The following DOCK2 variants were observed in gnomAD, a reference collection of about 807,000 sequenced individuals.
DOCK2 encodes dedicator of cytokinesis 2, also known as dedicator of cytokinesis protein 2.
DOCK2 carries 87 observed loss-of-function variants against 248.9 expected under a neutral mutation model. The observed-to-expected ratio is 0.35, with a 90% CI of 0.29 to 0.42. DOCK2 has a LOEUF of 0.42. Among genes scored for constraint, DOCK2 ranks in the 10% least tolerant of loss-of-function variants. The pLI is 1.00. For missense variants in DOCK2, 1,747 were observed against 2,300.2 expected, an observed-to-expected ratio of 0.76 and a Z score of 4.92; for synonymous variants, 805 against 821.6, an observed-to-expected ratio of 0.98 and a Z score of 0.35.
intron 27 of DOCK2, among the ~76,000 whole-genome samples, chr5:169,956,901 C>T (rs577539030): frequency 8.2e-4 from 125 of 152,252 alleles, no homozygotes; most frequent in Non-Finnish European, 1.3e-3. Context: ...TATTGGCCAA[C>T]ATGCCTGGTT....
chr5:169,985,711 C>A, intron 28 of DOCK2, 117 bp from the exon 29 acceptor site: 1 of 636,892 alleles, frequency 1.6e-6, no homozygotes, highest in Non-Finnish European at 2.5e-6. Context: ...TAATGAAAGG[C>A]TGTGTCCCTT....
rs375831852 is a variant in DOCK2, at chr5:169,840,083, GT to G, written c.2704-672del. 3.2e-4 allele frequency among the ~76,000 whole-genome samples: 49 copies of G among 152,284 alleles called. 1 individual carries two copies. The highest frequency in any genetic ancestry group is 1.1e-3 in the African/African-American group (47 of 41,566). Reference sequence around the variant, plus strand: ...TTTTTAAAGAAAAAAGGTTTAATTGGTTCCTGATTCCACAGGCTGTACAGGA... The same window carrying G: ...TTTTTAAAGAAAAAAGGTTTAATTGGTCCTGATTCCACAGGCTGTACAGGA... On this transcript the variant is annotated intron_variant, in intron 26 of 51. Transcript: ENST00000520908.
intron 1 of DOCK2, among the ~76,000 whole-genome samples, chr5:169,653,717 C>T (rs1400088337): frequency 1.3e-5 from 2 of 152,222 alleles, no homozygotes; most frequent in African/African-American, 4.8e-5. Flanking sequence ...ACCTGTACCT[C>T]CTGAGCCCAG....
intron 27 of DOCK2, among the ~76,000 whole-genome samples, chr5:169,979,086 C>G (rs1777845031): frequency 6.6e-6 from 1 of 152,154 alleles, no homozygotes; most frequent in South Asian, 2.1e-4. Flanking sequence ...ATGTCGATTA[C>G]AGAATTTCTG....
In DOCK2 at chr5:169,637,278, C is replaced by T. The variant is rs1416283217; in HGVS notation, c.-49C>T. On this transcript the variant is annotated 5_prime_UTR_variant, in exon 1 of 52. Transcript: ENST00000520908. Reference sequence around the variant, plus strand: ...GAAGTGGGGCCCTGCGGCGCCCAGCCACCCCCTGACGGCTTCCCCACGGGA... The same window carrying T: ...GAAGTGGGGCCCTGCGGCGCCCAGCTACCCCCTGACGGCTTCCCCACGGGA... 1.4e-6 allele frequency: 2 copies of T among 1,432,198 alleles called. No individual in the cohort carries two copies. The highest frequency in any genetic ancestry group is 1.4e-5 in the South Asian group (1 of 71,718). 88.7% of individuals were successfully genotyped at this position (1,432,198 alleles called of 1,614,324 possible).
intron 27 of DOCK2, among the ~76,000 whole-genome samples, chr5:169,930,255 G>T (rs1425933704): frequency 6.6e-6 from 1 of 152,160 alleles, no homozygotes; most frequent in African/African-American, 2.4e-5. Context: ...CTCCCAAAGT[G>T]CTGGGATTAC....
At chr5:169,778,970 G>A (rs764877641) in intron 25 of DOCK2, among the ~76,000 whole-genome samples, 2 of 152,174 alleles carry the variant, frequency 1.3e-5, no homozygotes, top group Non-Finnish European at 2.9e-5. Flanking sequence ...ATTTCAGTTA[G>A]CATCACGTGA....
intron 33 of DOCK2, 109 bp downstream of exon 33, chr5:170,019,217 C>T (rs755773510): frequency 3.0e-5 from 46 of 1,527,484 alleles, no homozygotes; most frequent in Non-Finnish European, 3.8e-5. Flanking sequence ...GGCTCGGCGG[C>T]AGGATAGGGA....
intron 49 of DOCK2, 46 bp from the exon 50 acceptor site, chr5:170,080,117 C>T (rs760001271): frequency 1.9e-6 from 3 of 1,607,854 alleles, no homozygotes; most frequent in Non-Finnish European, 2.6e-6. Context: ...TCATGCTAAG[C>T]CTCTGTCTTT....
At chr5:169,644,014 G>A (rs887646141) in intron 1 of DOCK2, among the ~76,000 whole-genome samples, 2 of 152,122 alleles carry the variant, frequency 1.3e-5, no homozygotes, top group African/African-American at 4.8e-5. Flanking sequence ...TAAGTAGAAC[G>A]AATAGCCAAT....
At chr5:169,793,514 G>C (rs1055240623) in intron 25 of DOCK2, among the ~76,000 whole-genome samples, 1 of 152,154 alleles carries the variant, frequency 6.6e-6, no homozygotes. Flanking sequence ...CTGTAAAATA[G>C]GTATAATGAT....
intron 27 of DOCK2, among the ~76,000 whole-genome samples, chr5:169,981,364 T>C (rs1410716204): frequency 6.6e-6 from 1 of 152,218 alleles, no homozygotes; most frequent in East Asian, 1.9e-4. Context: ...CTCGTTTTAT[T>C]ATGCTTCACA....
chr5:169,838,585 T>A (rs380222), intron 26 of DOCK2, among the ~76,000 whole-genome samples: 42,552 of 152,000 alleles, frequency 0.28, 8,034 homozygotes, highest in African/African-American at 0.54. Context: ...AGGTTCATCT[T>A]TGGGCCAGAA....
At chr5:169,821,668 G>A (rs1274555921) in intron 26 of DOCK2, among the ~76,000 whole-genome samples, 1 of 152,162 alleles carries the variant, frequency 6.6e-6, no homozygotes, top group Non-Finnish European at 1.5e-5. Context: ...GCAAAAACAT[G>A]TCAAATTGTA....
chr5:169,950,261 T>C (rs898225165), intron 27 of DOCK2, among the ~76,000 whole-genome samples: 4 of 152,244 alleles, frequency 2.6e-5, no homozygotes, highest in African/African-American at 9.6e-5. Context: ...TATTAACCTT[T>C]CTGAGCCTCA....
At chr5:169,865,486 C>T (rs542579754) in intron 27 of DOCK2, among the ~76,000 whole-genome samples, 2 of 152,178 alleles carry the variant, frequency 1.3e-5, no homozygotes, top group Admixed American at 6.5e-5. Context: ...GCAGAAAAAA[C>T]GAATCCTCTT....
chr5:169,779,655 TC>T (rs1251599133), intron 25 of DOCK2, among the ~76,000 whole-genome samples: 6 of 152,180 alleles, frequency 3.9e-5, no homozygotes, highest in African/African-American at 7.2e-5. Context: ...TCCAGCCATC[TC>T]CCTGTCCGTC....
intron 26 of DOCK2, among the ~76,000 whole-genome samples, chr5:169,811,107 G>A (rs924836836): frequency 6.6e-6 from 1 of 152,114 alleles, no homozygotes; most frequent in African/African-American, 2.4e-5. Context: ...CGATGGGAGG[G>A]GAGGGGACTG....
At chr5:169,724,605 G>A (rs1762373657) in intron 22 of DOCK2, among the ~76,000 whole-genome samples, 1 of 151,878 alleles carries the variant, frequency 6.6e-6, no homozygotes, top group African/African-American at 2.4e-5. Flanking sequence ...CATTAACAAG[G>A]GCATCTCAGG....
Sources: gnomAD v4.1 joint callset for allele counts (sites outside exome capture counted in the v4.1 genomes callset) on GRCh38, gnomAD v4.1.1 for gene constraint, MANE v1.5 for transcripts, NCBI Gene and HGNC (gene_info 2026-07-23, HGNC 2026-07-21) for gene names.